DEPTOR: variants seen among roughly 807,000 people sequenced by gnomAD.
The protein encoded by DEPTOR is DEP domain-containing mTOR-interacting protein.
Under a neutral mutation model 41.6 loss-of-function variants are expected in DEPTOR, and 41 were observed. The observed-to-expected ratio is 0.98, with a 90% CI of 0.77 to 1.28. The LOEUF is 1.28. Ranked by LOEUF, DEPTOR falls within the 50% of genes most tolerant of loss-of-function variation. DEPTOR has a pLI of 0.00. For synonymous variants in DEPTOR, 195 were observed against 192.3 expected, an observed-to-expected ratio of 1.01 and a Z score of -0.12; for missense variants, 514 against 527.9, an observed-to-expected ratio of 0.97 and a Z score of 0.26.
intron 1 of DEPTOR, among the ~76,000 whole-genome samples, chr8:119,918,505 G>A (rs540993753): frequency 5.9e-5 from 9 of 152,170 alleles, no homozygotes; most frequent in Admixed American, 2.6e-4. Context: ...TTGTTGCCCA[G>A]GCTGGAGTGC....
intron 8 of DEPTOR, among the ~76,000 whole-genome samples, chr8:120,036,473 G>A (rs1812980807): frequency 6.6e-6 from 1 of 152,194 alleles, no homozygotes; most frequent in African/African-American, 2.4e-5. Context: ...CTCCCACACA[G>A]TCACTCCACA....
At chr8:119,949,565 T>C (rs1828326731) in intron 3 of DEPTOR, among the ~76,000 whole-genome samples, 1 of 152,262 alleles carries the variant, frequency 6.6e-6, no homozygotes, top group African/African-American at 2.4e-5. Context: ...CTAGCGGATA[T>C]GAAATGTTAT....
chr8:119,879,074 C>T (rs1161906363), intron 1 of DEPTOR, among the ~76,000 whole-genome samples: 1 of 151,166 alleles, frequency 6.6e-6, no homozygotes, highest in Admixed American at 6.6e-5. Context: ...CGCGCCAATG[C>T]ACTCCAGCCT....
intron 3 of DEPTOR, among the ~76,000 whole-genome samples, chr8:119,960,140 C>T (rs1026617573): frequency 6.6e-6 from 1 of 151,776 alleles, no homozygotes; most frequent in Non-Finnish European, 1.5e-5. Flanking sequence ...AGGAGAATTG[C>T]TTGAAGCTGC....
intron 1 of DEPTOR, among the ~76,000 whole-genome samples, chr8:119,906,151 TAC>T (rs567908475): frequency 2.0e-5 from 3 of 151,830 alleles, no homozygotes; most frequent in African/African-American, 4.8e-5. Context: ...ATCATAAATA[TAC>T]ACACACACAC....
rs201870960 is a variant in DEPTOR at position 119,915,945 on chromosome 8, T to TAAA, written c.123-12435_123-12433dup. 1.9e-3 allele frequency among the ~76,000 whole-genome samples: 245 copies of TAAA among 126,626 alleles called. 2 individuals carry two copies. The highest frequency in any genetic ancestry group is 5.8e-3 in the African/African-American group (208 of 35,590). The allele number at this position is 126,626 out of a possible 152,430, so 83.1% of individuals were successfully genotyped here. The stretch of plus-strand genomic sequence containing the variant: ...TTCCTTGATTCAGGACTTCATTTGT[T>TAAA]AAAAAAAAAAAAAAAAAAAAAAGCT... On this transcript the variant is annotated intron_variant, in intron 1 of 8. Transcript: ENST00000286234.
rs532794658 is a variant in DEPTOR, at chr8:119,986,021, G to A, written c.605-15504G>A. On this transcript the variant is annotated intron_variant, in intron 4 of 8. Coordinates refer to ENST00000286234, the MANE Select transcript of DEPTOR (RefSeq NM_022783.4). Reference sequence around the variant, plus strand: ...ATCTTTTAATTGGGGCATTTAGCCCGTTAACATTTAAGGTTAATATTGTTA... The same window carrying A: ...ATCTTTTAATTGGGGCATTTAGCCCATTAACATTTAAGGTTAATATTGTTA... Among the ~76,000 whole-genome samples the A allele has an allele frequency of 1.3e-4, 20 of 149,656 alleles. No individual in the cohort carries two copies. The South Asian group carries it at 2.1e-3, about 16-fold the overall frequency.
At chr8:119,878,147 A>C (rs1317478755) in intron 1 of DEPTOR, among the ~76,000 whole-genome samples, 2 of 151,810 alleles carry the variant, frequency 1.3e-5, no homozygotes, top group African/African-American at 4.8e-5. Flanking sequence ...GGAGGCGGAG[A>C]TTGTGGCTAA....
chr8:120,038,736 A>G (rs1314863237), intron 8 of DEPTOR, among the ~76,000 whole-genome samples: 1 of 152,190 alleles, frequency 6.6e-6, no homozygotes, highest in Non-Finnish European at 1.5e-5. Context: ...TCCACTGCTC[A>G]GGGGGCAGAG....
At chr8:119,899,271 C>T (rs1827557712) in intron 1 of DEPTOR, among the ~76,000 whole-genome samples, 1 of 152,162 alleles carries the variant, frequency 6.6e-6, no homozygotes, top group South Asian at 2.1e-4. Flanking sequence ...AGCTGGATTG[C>T]ACTTTACTAA....
At chr8:120,005,019 A>G (rs1040560967) in intron 6 of DEPTOR, among the ~76,000 whole-genome samples, 1 of 152,188 alleles carries the variant, frequency 6.6e-6, no homozygotes, top group Non-Finnish European at 1.5e-5. Flanking sequence ...GCTTCCAAGG[A>G]TATGAAAAGA....
rs754049805 is a variant in DEPTOR at position 120,028,452 on chromosome 8, C to CTTTTTT, written c.1101+19336_1101+19341dup. Among the ~76,000 whole-genome samples, 33 of 107,366 alleles carry CTTTTTT rather than the reference C, an allele frequency of 3.1e-4. 1 individual carries two copies. The highest frequency in any genetic ancestry group is 1.2e-3 in the African/African-American group (33 of 28,136). The allele number at this position is 107,366 out of a possible 152,430, so 70.4% of individuals were successfully genotyped here. A position where few individuals can be genotyped will look rare whatever the true frequency, so the allele number is the denominator to read the frequency against. ...ACCAAGCAAAGAAACAGCTCCAAAT[C>CTTTTTT]TTTTTTTTTTTTTTTTTTTTTTCCT... On this transcript the variant is annotated intron_variant, in intron 8 of 8. Coordinates refer to ENST00000286234, the MANE Select transcript of DEPTOR (RefSeq NM_022783.4).
At chr8:119,887,488 C>T (rs1379854208) in intron 1 of DEPTOR, among the ~76,000 whole-genome samples, 1 of 74,996 alleles carries the variant, frequency 1.3e-5, no homozygotes, top group African/African-American at 5.5e-5. Context: ...CCTCCCTTCC[C>T]CTTCCCTTCC....
At chr8:119,963,886 G>A (rs1276852009) in intron 3 of DEPTOR, among the ~76,000 whole-genome samples, 4 of 152,184 alleles carry the variant, frequency 2.6e-5, no homozygotes, top group African/African-American at 7.2e-5. Flanking sequence ...TCAGGCTACT[G>A]TAACAAAATA....
chr8:119,991,088 T>TTCTTTTTCTTTCTTTC (rs1368002570), intron 4 of DEPTOR, among the ~76,000 whole-genome samples: 1 of 45,796 alleles, frequency 2.2e-5, no homozygotes, highest in Non-Finnish European at 5.0e-5. Context: ...CTTTCTTTCT[T>TTCTTTTTCTTTCTTTC]TTTCTTTCTT....
chr8:119,971,883 CAGAA>C (rs1828638247), intron 4 of DEPTOR, among the ~76,000 whole-genome samples: 1 of 152,160 alleles, frequency 6.6e-6, no homozygotes, highest in Non-Finnish European at 1.5e-5. Context: ...TGCAGACTCT[CAGAA>C]GGAAAGCAAG....
chr8:119,909,269 A>G (rs1202165212), intron 1 of DEPTOR, among the ~76,000 whole-genome samples: 1 of 152,188 alleles, frequency 6.6e-6, no homozygotes, highest in Non-Finnish European at 1.5e-5. Flanking sequence ...GTTCTTGCCA[A>G]GTGCCACCCC....
At chr8:119,987,243 T>A (rs561752101) in intron 4 of DEPTOR, among the ~76,000 whole-genome samples, 10 of 152,330 alleles carry the variant, frequency 6.6e-5, no homozygotes, top group Admixed American at 3.9e-4. Flanking sequence ...TTGACGTTGA[T>A]GCTATTCCTC....
chr8:119,891,451 G>A (rs779343363), intron 1 of DEPTOR, among the ~76,000 whole-genome samples: 1 of 152,010 alleles, frequency 6.6e-6, no homozygotes, highest in South Asian at 2.1e-4. Context: ...TCCTTCATTG[G>A]TTGAAGAAAA....
Sources: gnomAD v4.1 joint callset for allele counts (sites outside exome capture counted in the v4.1 genomes callset) on GRCh38, gnomAD v4.1.1 for gene constraint, MANE v1.5 for transcripts, NCBI Gene and HGNC (gene_info 2026-07-23, HGNC 2026-07-21) for gene names.